Variants in ABLIM1 observed in about 807,000 individuals in gnomAD.
ABLIM1 encodes the protein actin binding LIM protein 1.
In ABLIM1, 40 loss-of-function variants were observed where a neutral mutation model predicts 107.0. That is an observed-to-expected ratio of 0.37 (90% CI 0.29 to 0.49). The LOEUF (loss-of-function observed/expected upper bound fraction) is 0.49. Among genes scored for constraint, ABLIM1 ranks in the 20% least tolerant of loss-of-function variants. The pLI is 0.97. For missense variants in ABLIM1, 857 were observed against 1,008.5 expected (o/e 0.85, Z 2.04); for synonymous variants, 357 against 357.3 (o/e 1.00, Z 0.01).
At chr10:114,450,302 T>C (rs2061660512) in intron 14 of ABLIM1, among the ~76,000 whole-genome samples, 2 of 151,652 alleles carry the variant, frequency 1.3e-5, no homozygotes, top group Admixed American at 6.6e-5. Context: ...AAAAAAATCA[T>C]AGCTCTAGAA....
chr10:114,605,428 G>A (rs758188568), intron 1 of ABLIM1, among the ~76,000 whole-genome samples: 4 of 152,104 alleles, frequency 2.6e-5, no homozygotes, highest in Non-Finnish European at 5.9e-5. Flanking sequence ...CATCTTTCAA[G>A]GCCCAAGCGG....
Position 114,752,956 on chromosome 10 carries a change from A to T in ABLIM1, c.-213+15105T>A, listed in dbSNP as rs185046604. Among the ~76,000 whole-genome samples, 696 of 152,364 alleles carry T rather than the reference A, an allele frequency of 4.6e-3. 9 individuals are homozygous for T. The highest frequency in any genetic ancestry group is 0.016 in the African/African-American group (655 of 41,580). On this transcript the variant is annotated intron_variant, in intron 1 of 15. Coordinates refer to the ABLIM1 transcript ENST00000651092. ...AGGGTAACAAGTGGCTGTGAATAAGAATAAATAATCCAGCCTTTGGGAAAT... is the reference window on the plus strand; with the variant it reads ...AGGGTAACAAGTGGCTGTGAATAAGTATAAATAATCCAGCCTTTGGGAAAT...
chr10:114,768,817 T>G (rs1312403252), upstream of ABLIM1, among the ~76,000 whole-genome samples: 1 of 152,072 alleles, frequency 6.6e-6, no homozygotes, highest in East Asian at 1.9e-4. Flanking sequence ...GAGTCGGGGC[T>G]GGGCCGGGCT....
intron 1 of ABLIM1, chr10:114,684,213 G>A (rs1008967746): frequency 4.2e-6 from 6 of 1,443,478 alleles, no homozygotes; most frequent in Non-Finnish European, 5.7e-6. Context: ...GAAAAGCCCT[G>A]CATCTTTCCT....
chr10:114,633,174 C>T (rs571948673), intron 1 of ABLIM1, among the ~76,000 whole-genome samples: 38 of 152,324 alleles, frequency 2.5e-4, no homozygotes, highest in Non-Finnish European at 4.7e-4. Flanking sequence ...CAGTATTAGA[C>T]GGTATTTACT....
chr10:114,528,252 G>T (rs1373014148), intron 6 of ABLIM1, among the ~76,000 whole-genome samples: 2 of 152,150 alleles, frequency 1.3e-5, no homozygotes, highest in Non-Finnish European at 2.9e-5. Context: ...TTATAGGTGT[G>T]AGCCACCCTG....
chr10:114,618,169 T>C (rs776253069), intron 1 of ABLIM1, among the ~76,000 whole-genome samples: 4 of 152,174 alleles, frequency 2.6e-5, no homozygotes, highest in Non-Finnish European at 4.4e-5. Flanking sequence ...ACCACAAATT[T>C]TGGTTAAACC....
At chr10:114,647,833 G>A (rs74158023) in intron 1 of ABLIM1, among the ~76,000 whole-genome samples, 3,252 of 152,246 alleles carry the variant, frequency 0.021, 102 homozygotes, top group African/African-American at 0.074. Flanking sequence ...AAAACTTGGG[G>A]GGCCACAGTA....
chr10:114,757,568 C>A (rs2082658402), intron 1 of ABLIM1, among the ~76,000 whole-genome samples: 1 of 152,142 alleles, frequency 6.6e-6, no homozygotes, highest in African/African-American at 2.4e-5. Context: ...ATGTTGCCAA[C>A]TCATCAGCAA....
chr10:114,783,781 G>A, the ABLIM1 span, among the ~76,000 whole-genome samples: 1 of 151,854 alleles, frequency 6.6e-6, no homozygotes, highest in Non-Finnish European at 1.5e-5. Context: ...CTGTCACTGT[G>A]GCTAATAATT....
intron 1 of ABLIM1, among the ~76,000 whole-genome samples, chr10:114,622,252 T>TC (rs1338719758): frequency 3.3e-5 from 5 of 150,714 alleles, no homozygotes; most frequent in African/African-American, 4.9e-5. Context: ...TTTTTCTTTT[T>TC]TTTTTTTTTT....
At chr10:114,604,822 T>C (rs1326863793) in intron 1 of ABLIM1, among the ~76,000 whole-genome samples, 2 of 152,356 alleles carry the variant, frequency 1.3e-5, no homozygotes, top group South Asian at 2.1e-4. Context: ...GAATTTCTTA[T>C]TGCTAAGCAA....
At chr10:114,560,606 A>G (rs1185063424) in intron 4 of ABLIM1, among the ~76,000 whole-genome samples, 1 of 152,218 alleles carries the variant, frequency 6.6e-6, no homozygotes, top group Non-Finnish European at 1.5e-5. Flanking sequence ...CTCGGTGTGT[A>G]GTAAGCTATA....
chr10:114,603,959 A>G (rs1404446413), intron 1 of ABLIM1, among the ~76,000 whole-genome samples: 1 of 148,712 alleles, frequency 6.7e-6, no homozygotes, highest in Non-Finnish European at 1.5e-5. Context: ...GTCTCAAAAA[A>G]AAAAAAAAAA....
intron 1 of ABLIM1, among the ~76,000 whole-genome samples, chr10:114,722,237 G>A (rs537084645): frequency 1.3e-5 from 2 of 152,290 alleles, no homozygotes; most frequent in East Asian, 3.9e-4. Context: ...GAGGCCTCAG[G>A]AAACTTACAA....
chr10:114,565,765 C>T (rs912018118), intron 4 of ABLIM1, among the ~76,000 whole-genome samples: 24 of 147,154 alleles, frequency 1.6e-4, no homozygotes, highest in African/African-American at 5.3e-4. Flanking sequence ...AACATGCACG[C>T]GATGCTTTAT....
intron 3 of ABLIM1, among the ~76,000 whole-genome samples, chr10:114,572,832 C>A (rs78206723): frequency 0.022 from 3,405 of 152,292 alleles, 111 homozygotes; most frequent in African/African-American, 0.069. Context: ...TTGCCTCCGA[C>A]CAGGCCAGGA....
At chr10:114,468,261 C>A in intron 10 of ABLIM1, 45 bp from the exon 11 acceptor site, 1 of 1,583,526 alleles carries the variant, frequency 6.3e-7, no homozygotes, top group South Asian at 1.1e-5. Flanking sequence ...TTTGTTAACT[C>A]TTTGCCGTTT....
intron 1 of ABLIM1, among the ~76,000 whole-genome samples, chr10:114,640,941 T>C (rs1348491769): frequency 6.6e-6 from 1 of 152,120 alleles, no homozygotes; most frequent in African/African-American, 2.4e-5. Flanking sequence ...TTATGTATCC[T>C]GTGTTGGGTG....
Sources: gnomAD v4.1 joint callset for allele counts (sites outside exome capture counted in the v4.1 genomes callset) on GRCh38, gnomAD v4.1.1 for gene constraint, MANE v1.5 for transcripts, NCBI Gene and HGNC (gene_info 2026-07-23, HGNC 2026-07-21) for gene names.